The following HCN1 variants were observed in gnomAD, a reference collection of about 807,000 sequenced individuals.
The protein encoded by HCN1 is hyperpolarization activated cyclic nucleotide gated potassium channel 1.
Under a neutral mutation model 78.9 loss-of-function variants are expected in HCN1, and 13 were observed. The observed-to-expected ratio is 0.16, with a 90% CI of 0.11 to 0.26. The LOEUF (loss-of-function observed/expected upper bound fraction) is 0.26, where lower values mean the gene tolerates loss of function less well. HCN1 is among the 10% of genes least tolerant of loss of function. HCN1 has a pLI of 1.00. For missense variants in HCN1, 810 were observed against 1,154.3 expected, an observed-to-expected ratio of 0.70 and a Z score of 4.32; for synonymous variants, 552 against 455.5, an observed-to-expected ratio of 1.21 and a Z score of -2.70.
At chr5:45,524,136 GT>G (rs1380855705) in intron 2 of HCN1, among the ~76,000 whole-genome samples, 3 of 152,088 alleles carry the variant, frequency 2.0e-5, no homozygotes, top group Non-Finnish European at 2.9e-5. Context: ...GCCATTTCTT[GT>G]TTTTCTCAGG....
In HCN1 at chr5:45,443,963, A is replaced by G. The variant is rs955675009; in HGVS notation, c.1011+17883T>C. Among the ~76,000 whole-genome samples the G allele has an allele frequency of 3.3e-5, 5 of 152,156 alleles. No homozygotes were observed. The South Asian group carries it at 8.3e-4, about 25-fold the overall frequency. ...CCTGATCTGCCATAATGAGTAATACAAAGTTATGAACCCAAAGCAGCTACA... is the reference window on the plus strand; with the variant it reads ...CCTGATCTGCCATAATGAGTAATACGAAGTTATGAACCCAAAGCAGCTACA... On this transcript the variant is annotated intron_variant, in intron 3 of 7. Coordinates refer to ENST00000303230, the MANE Select transcript of HCN1 (RefSeq NM_021072.4).
At chr5:45,272,266 G>T (rs1049006680) in intron 6 of HCN1, among the ~76,000 whole-genome samples, 2 of 151,956 alleles carry the variant, frequency 1.3e-5, no homozygotes, top group African/African-American at 2.4e-5. Flanking sequence ...TGTCTTTGGC[G>T]GGGATGGGGG....
At chr5:45,512,623 A>T (rs1002428937) in intron 2 of HCN1, among the ~76,000 whole-genome samples, 2 of 152,062 alleles carry the variant, frequency 1.3e-5, no homozygotes, top group Non-Finnish European at 2.9e-5. Context: ...TTGAATTGGC[A>T]TTCTTTAAAA....
At chr5:45,490,853 G>A (rs1294683351) in intron 2 of HCN1, among the ~76,000 whole-genome samples, 1 of 151,854 alleles carries the variant, frequency 6.6e-6, no homozygotes, top group African/African-American at 2.4e-5. Flanking sequence ...CCTTTCCTAA[G>A]TACCCTTGAC....
chr5:45,518,385 T>G (rs953617783), intron 2 of HCN1, among the ~76,000 whole-genome samples: 11 of 152,014 alleles, frequency 7.2e-5, no homozygotes, highest in African/African-American at 2.7e-4. Flanking sequence ...TGTCAGCTCC[T>G]GGGCAGAAGC....
intron 4 of HCN1, 87 bp downstream of exon 4, chr5:45,396,400 TAGAGG>T: frequency 3.3e-6 from 3 of 916,100 alleles, no homozygotes; most frequent in Admixed American, 2.0e-5. Context: ...TTTTTTTTTA[TAGAGG>T]AGATGGTGTA....
At chr5:45,511,889 A>G (rs1242714521) in intron 2 of HCN1, among the ~76,000 whole-genome samples, 3 of 152,100 alleles carry the variant, frequency 2.0e-5, no homozygotes, top group Non-Finnish European at 4.4e-5. Context: ...AGAAGAAACT[A>G]TGCACAGTAT....
intron 2 of HCN1, among the ~76,000 whole-genome samples, chr5:45,620,412 T>A (rs1015061156): frequency 2.0e-5 from 3 of 151,904 alleles, no homozygotes; most frequent in African/African-American, 7.2e-5. Context: ...AGAAGCTGAG[T>A]GAAAGTTATG....
intron 6 of HCN1, among the ~76,000 whole-genome samples, chr5:45,291,821 C>T (rs1207601318): frequency 6.6e-6 from 1 of 152,016 alleles, no homozygotes; most frequent in African/African-American, 2.4e-5. Context: ...CAAGCCACCA[C>T]ATCCAGTGCT....
chr5:45,413,919 T>C (rs1740069773), intron 3 of HCN1, among the ~76,000 whole-genome samples: 1 of 151,994 alleles, frequency 6.6e-6, no homozygotes, highest in African/African-American at 2.4e-5. Flanking sequence ...TCTCTATGAA[T>C]GTACAATACA....
At chr5:45,266,450 G>A (rs557584883) in intron 7 of HCN1, among the ~76,000 whole-genome samples, 1 of 152,208 alleles carries the variant, frequency 6.6e-6, no homozygotes, top group South Asian at 2.1e-4. Context: ...TTGTAATATA[G>A]ACTCATATAT....
chr5:45,543,485 T>C (rs1000750957), intron 2 of HCN1, among the ~76,000 whole-genome samples: 6 of 152,062 alleles, frequency 3.9e-5, no homozygotes, highest in South Asian at 2.1e-4. Flanking sequence ...ATTGAAAATA[T>C]AATCTTATAC....
chr5:45,435,962 A>G (rs1346151137), intron 3 of HCN1, among the ~76,000 whole-genome samples: 3 of 152,196 alleles, frequency 2.0e-5, no homozygotes, highest in Admixed American at 2.0e-4. Context: ...ACCCCCGCCA[A>G]TAAAATTCCA....
rs183250357 is a variant in HCN1, at chr5:45,466,355, A to T, written c.850-4348T>A. ...TAATTGAAGACTCTTTATATTGTGCATTAAACTGCTTTTAGTCGTTGACTT... is the reference window on the plus strand; with the variant it reads ...TAATTGAAGACTCTTTATATTGTGCTTTAAACTGCTTTTAGTCGTTGACTT... On this transcript the variant is annotated intron_variant, in intron 2 of 7. Transcript: ENST00000303230. 3.3e-4 allele frequency among the ~76,000 whole-genome samples: 50 copies of T among 152,294 alleles called. 1 individual carries two copies. The East Asian group carries it at 7.5e-3, about 23-fold the overall frequency.
intron 2 of HCN1, among the ~76,000 whole-genome samples, chr5:45,524,776 C>T (rs1742695816): frequency 6.6e-6 from 1 of 152,126 alleles, no homozygotes; most frequent in African/African-American, 2.4e-5. Context: ...ATGGGGTTTT[C>T]TAGATATACA....
At chr5:45,568,275 A>G (rs948794429) in intron 2 of HCN1, among the ~76,000 whole-genome samples, 3 of 152,196 alleles carry the variant, frequency 2.0e-5, no homozygotes, top group African/African-American at 7.2e-5. Flanking sequence ...TAATTTGTAG[A>G]CTCTCTACCT....
chr5:45,668,921 G>A (rs1746100689), intron 1 of HCN1, among the ~76,000 whole-genome samples: 1 of 151,756 alleles, frequency 6.6e-6, no homozygotes, highest in Non-Finnish European at 1.5e-5. Context: ...CAAATTCTTT[G>A]GTGTTGGGGG....
chr5:45,416,974 C>A (rs1740131660), intron 3 of HCN1, among the ~76,000 whole-genome samples: 1 of 151,944 alleles, frequency 6.6e-6, no homozygotes, highest in Admixed American at 6.6e-5. Flanking sequence ...TTCCTAGAAT[C>A]ATTCATGTAT....
At chr5:45,410,364 G>A (rs546660309) in intron 3 of HCN1, among the ~76,000 whole-genome samples, 3 of 152,046 alleles carry the variant, frequency 2.0e-5, no homozygotes, top group Admixed American at 2.0e-4. Context: ...AAGATACTAT[G>A]ATCTGTACTG....
Sources: gnomAD v4.1 joint callset for allele counts (sites outside exome capture counted in the v4.1 genomes callset) on GRCh38, gnomAD v4.1.1 for gene constraint, MANE v1.5 for transcripts, NCBI Gene and HGNC (gene_info 2026-07-23, HGNC 2026-07-21) for gene names.